Variants in CASP2 observed in about 807,000 individuals in gnomAD.
CASP2 encodes caspase 2.
A neutral mutation model predicts 54.4 loss-of-function variants in CASP2; 38 were observed. The ratio of observed to expected loss-of-function variants is 0.70; its 90% confidence interval spans 0.54 to 0.92. The LOEUF (loss-of-function observed/expected upper bound fraction) is 0.92. CASP2 is among the 40% of genes least tolerant of loss of function. CASP2 has a pLI of 0.00. For missense variants in CASP2, 512 were observed against 579.6 expected (o/e 0.88, Z 1.20); for synonymous variants, 215 against 216.3 (o/e 0.99, Z 0.05).
At chr7:143,296,596 T>C (rs1267573891) in intron 6 of CASP2, among the ~76,000 whole-genome samples, 1 of 152,164 alleles carries the variant, frequency 6.6e-6, no homozygotes, top group Admixed American at 6.5e-5. Flanking sequence ...ATGTGTGTGT[T>C]ATAAACCAGG....
intron 9 of CASP2, among the ~76,000 whole-genome samples, 161 bp downstream of exon 9, chr7:143,304,094 C>T (rs1054040610): frequency 6.6e-6 from 1 of 151,978 alleles, no homozygotes; most frequent in Non-Finnish European, 1.5e-5. Flanking sequence ...GGAATATTTG[C>T]GTTATACTTA....
At chr7:143,303,649 G>A in intron 8 of CASP2, 135 bp from the exon 9 acceptor site, 1 of 678,882 alleles carries the variant, frequency 1.5e-6, no homozygotes, top group East Asian at 2.8e-5. Context: ...TAGTTTATCA[G>A]CCATAGGTTG....
Position 143,300,885 on chromosome 7 carries a change from T to C in CASP2, c.967+591T>C, listed in dbSNP as rs1350426000. Reference sequence around the variant, plus strand: ...CTCTCATGCAGTCTGTTTTACTCCTTTAAGAGCCAGGACTGCAGGACGAGG... The same window carrying C: ...CTCTCATGCAGTCTGTTTTACTCCTCTAAGAGCCAGGACTGCAGGACGAGG... On this transcript the variant is annotated intron_variant, in intron 8 of 10. Transcript: ENST00000310447. The C allele has an allele frequency of 2.8e-6, 3 of 1,080,344 alleles. No individual in the cohort carries two copies. The African/African-American group carries it at 5.0e-5, about 18-fold the overall frequency. The allele number at this position is 1,080,344 out of a possible 1,614,324, so 66.9% of individuals were successfully genotyped here.
At position 143,307,599 on chromosome 7, in the gene CASP2, T is replaced by C. The variant is rs895975168; in HGVS notation, c.*2528T>C. 3.3e-5 allele frequency: 5 copies of C among 152,150 alleles called. No individual in the cohort carries two copies. Among genetic ancestry groups the C allele is most frequent in the African/African-American group, 1.2e-4 (5 of 41,418 alleles). The allele number at this position is 152,150 out of a possible 1,614,324, so 9.4% of individuals were successfully genotyped here. Reference sequence around the variant, plus strand: ...GCCAAGTCCTGCCTTTGGGTCGACATAGTATGGAAGTATTTGAGAGAGAGA... The same window carrying C: ...GCCAAGTCCTGCCTTTGGGTCGACACAGTATGGAAGTATTTGAGAGAGAGA... On this transcript the variant is annotated 3_prime_UTR_variant, in exon 11 of 11. Coordinates refer to ENST00000310447, the MANE Select transcript of CASP2 (RefSeq NM_032982.4).
At chr7:143,290,055 CTTTTTTTTTTT>C (rs35440867) in intron 1 of CASP2, among the ~76,000 whole-genome samples, 27 of 114,550 alleles carry the variant, frequency 2.4e-4, no homozygotes, top group Middle Eastern at 0.014. Flanking sequence ...TTTTCCCTCC[CTTTTTTTTTTT>C]TTTTTTTTTT....
At chr7:143,293,579 G>A (rs4647296) in intron 4 of CASP2, among the ~76,000 whole-genome samples, 7,729 of 150,442 alleles carry the variant, frequency 0.051, 216 homozygotes, top group Middle Eastern at 0.11. Context: ...GTGCAGTCTC[G>A]GCTCACTGCA....
intron 1 of CASP2, among the ~76,000 whole-genome samples, chr7:143,289,258 G>C (rs1197342275): frequency 6.6e-6 from 1 of 152,148 alleles, no homozygotes; most frequent in African/African-American, 2.4e-5. Flanking sequence ...TTCCAGTTGT[G>C]TCCTGAAATT....
chr7:143,289,412 G>GT (rs1726191625), intron 1 of CASP2, among the ~76,000 whole-genome samples: 1 of 152,248 alleles, frequency 6.6e-6, no homozygotes, highest in African/African-American at 2.4e-5. Context: ...ACTCGAGAGA[G>GT]TTAAGAACTA....
chr7:143,294,230 A>C lies in CASP2; in HGVS notation c.476A>C (p.Asp159Ala), dbSNP rs1801675483. ...TTTTGGTTTTCTGTCTATACCACAG[A>C]TACTGTGGAACACTCCCTAGACAAT... ...PLYKKLRLST[D>A]TVEHSLDNKD... The change falls in exon 5 of 11, where the codon GAT becomes GCT. Residue 159 changes from aspartate (D) to alanine (A), a missense_variant and splice_region_variant. Transcript: ENST00000310447. 1 of 1,578,768 alleles carries C rather than the reference A, an allele frequency of 6.3e-7. No homozygotes were observed. Among genetic ancestry groups the C allele is most frequent in the Non-Finnish European group, 8.7e-7 (1 of 1,147,896 alleles).
rs1369925819 is a variant in CASP2 at position 143,307,084 on chromosome 7, A to G, written c.*2013A>G. 6.6e-6 allele frequency: 1 copy of G among 152,146 alleles called. No homozygotes were observed. The highest frequency in any genetic ancestry group is 1.5e-5 in the Non-Finnish European group (1 of 68,046). The allele number at this position is 152,146 out of a possible 1,614,324, so 9.4% of individuals were successfully genotyped here. ...TGTCCTTCTTCCTCAAGTCTTGACA[A>G]TTCCCGGGCCCTTCAGTCCCTGAGC... On this transcript the variant is annotated 3_prime_UTR_variant, in exon 11 of 11. Transcript: ENST00000310447.
At position 143,293,919 on chromosome 7, in the gene CASP2, A is replaced by G. The variant is rs111381999; in HGVS notation, c.476-311A>G. Among the ~76,000 whole-genome samples the G allele has an allele frequency of 2.4e-3, 359 of 152,368 alleles. 1 individual carries two copies. Among genetic ancestry groups the G allele is most frequent in the Middle Eastern group, 0.01 (3 of 294 alleles). ...TCAATTGGCCTCTAAAAAGCTGAAT[A>G]AGAAAAGACTACATTTGGGGCCACC... On this transcript the variant is annotated intron_variant, in intron 4 of 10. Coordinates refer to ENST00000310447, the MANE Select transcript of CASP2 (RefSeq NM_032982.4).
Position 143,303,890 on chromosome 7 carries a change from G to C in CASP2, c.1074G>C (p.Leu358=), listed in dbSNP as rs1031594997. 4.3e-6 allele frequency: 7 copies of C among 1,611,696 alleles called. No individual in the cohort carries two copies. Among genetic ancestry groups the C allele is most frequent in the Non-Finnish European group, 5.9e-6 (7 of 1,178,918 alleles). Residue 358 remains leucine, a synonymous_variant, in exon 9 of 11, where the codon CTG becomes CTC. Transcript: ENST00000310447. ...AGKEKLPKMR[L]PTRSDMICGY... Reference sequence around the variant, plus strand: ...AAGAAAAGTTGCCGAAGATGAGACTGCCCACGCGCTCAGACATGATATGCG... The same window carrying C: ...AAGAAAAGTTGCCGAAGATGAGACTCCCCACGCGCTCAGACATGATATGCG...
At chr7:143,303,127 A>C (rs1210209654) in intron 8 of CASP2, 1 of 152,040 alleles carries the variant, frequency 6.6e-6, no homozygotes, top group Non-Finnish European at 1.5e-5. Context: ...AAGATTTAAA[A>C]AGTTATTTTA....
chr7:143,291,762 G>A, intron 2 of CASP2, 72 bp downstream of exon 2: 1 of 1,077,824 alleles, frequency 9.3e-7, no homozygotes, highest in Admixed American at 1.9e-5. Context: ...ATATGGAAAG[G>A]GTGTCGTATC....
At position 143,288,530 on chromosome 7, in the gene CASP2, G is replaced by A; in HGVS notation, c.74+1G>A. 3.1e-6 allele frequency: 5 copies of A among 1,612,952 alleles called. No homozygotes were observed. The highest frequency in any genetic ancestry group is 4.2e-6 in the Non-Finnish European group (5 of 1,179,352). On this transcript the variant is annotated splice_donor_variant, in intron 1 of 10. Coordinates refer to ENST00000310447, the MANE Select transcript of CASP2 (RefSeq NM_032982.4). LOFTEE classifies it high-confidence loss of function. ...TGATGGCCGCTGACAGGGGACGCAG[G>A]TAAGTAGGGAACGGTCTTAGGGCTC...
chr7:143,289,184 A>G (rs1801478502), intron 1 of CASP2, among the ~76,000 whole-genome samples: 1 of 152,150 alleles, frequency 6.6e-6, no homozygotes, highest in African/African-American at 2.4e-5. Context: ...TCGCAAAGGG[A>G]ACCTGCAGAA....
rs376047462 is a variant in CASP2 at position 143,288,441 on chromosome 7, C to T, written c.-15C>T. The T allele has an allele frequency of 1.2e-6, 2 of 1,612,106 alleles. No individual in the cohort carries two copies. Among genetic ancestry groups the T allele is most frequent in the Non-Finnish European group, 1.7e-6 (2 of 1,179,448 alleles). On this transcript the variant is annotated 5_prime_UTR_variant, in exon 1 of 11. Transcript: ENST00000310447. ...TGTGGGCGGTGCGCAGCGGAGAGCC[C>T]GGGAAAAGCGGGAAATGGCGGCGCC... is the stretch of plus-strand genomic sequence containing the variant.
rs765124807 is a variant in CASP2, at chr7:143,288,405, T to A, written c.-51T>A. On this transcript the variant is annotated 5_prime_UTR_variant, in exon 1 of 11. Transcript: ENST00000310447. ...ATGTGGGGGAAGCGACGGCCCCCGG[T>A]TTGTTTGGGCTGTGGGCGGTGCGCA... The A allele has an allele frequency of 1.3e-6, 2 of 1,573,682 alleles. No homozygotes were observed. Among genetic ancestry groups the A allele is most frequent in the African/African-American group, 1.3e-5 (1 of 74,194 alleles).
chr7:143,288,679 G>A (rs1801459290), intron 1 of CASP2, 150 bp downstream of exon 1: 1 of 722,638 alleles, frequency 1.4e-6, no homozygotes, highest in Non-Finnish European at 2.3e-6. Flanking sequence ...GCCCGCCCGA[G>A]CCGCTCCGAG....
Sources: gnomAD v4.1 joint callset for allele counts (sites outside exome capture counted in the v4.1 genomes callset) on GRCh38, gnomAD v4.1.1 for gene constraint, MANE v1.5 for transcripts, NCBI Gene and HGNC (gene_info 2026-07-23, HGNC 2026-07-21) for gene names.